FSD1L: variants seen among roughly 807,000 people sequenced by gnomAD.
The protein encoded by FSD1L is FSD1-like protein.
FSD1L carries 45 observed loss-of-function variants against 71.6 expected under a neutral mutation model. The ratio of observed to expected loss-of-function variants is 0.63; its 90% CI spans 0.49 to 0.81. The LOEUF is 0.81. FSD1L is among the 30% of genes least tolerant of loss of function. FSD1L has a pLI of 0.00. For synonymous variants in FSD1L, 197 were observed against 207.2 expected (o/e 0.95, Z 0.42); for missense variants, 561 against 618.1 (o/e 0.91, Z 0.98).
intron 9 of FSD1L, among the ~76,000 whole-genome samples, chr9:105,512,250 G>GTCA (rs1834437451): frequency 1.3e-5 from 2 of 151,524 alleles, no homozygotes; most frequent in African/African-American, 4.9e-5. Context: ...TGTACTCTTC[G>GTCA]TCATGTAAAT....
At chr9:105,522,562 G>C in intron 10 of FSD1L, 1 of 1,613,602 alleles carries the variant, frequency 6.2e-7, no homozygotes, top group Non-Finnish European at 8.5e-7. Flanking sequence ...ACTAGAGTCA[G>C]ACATTTTTCA....
At position 105,481,186 on chromosome 9, in the gene FSD1L, T is replaced by G; in HGVS notation, c.464+1810T>G. On this transcript the variant is annotated intron_variant, in intron 6 of 13. Coordinates refer to ENST00000481272, the MANE Select transcript of FSD1L (RefSeq NM_001145313.3). ...GTGTGTGTGTGTGTGTGTGGTTCTTTTTTTTTTTTTTTTTTTTTGCTTGTT... is the reference window on the plus strand; with the variant it reads ...GTGTGTGTGTGTGTGTGTGGTTCTTGTTTTTTTTTTTTTTTTTTGCTTGTT... 4.6e-5 allele frequency among the ~76,000 whole-genome samples: 6 copies of G among 129,730 alleles called. No individual in the cohort carries two copies. In the East Asian group the frequency reaches 9.1e-4, roughly 20 times the overall value. The allele number at this position is 129,730 out of a possible 152,430, so 85.1% of individuals were successfully genotyped here. A position where few individuals can be genotyped will look rare whatever the true frequency, so the allele number is the denominator to read the frequency against.
chr9:105,473,998 A>C lies in FSD1L; in HGVS notation c.441+1993A>C, dbSNP rs549020326. Among the ~76,000 whole-genome samples the C allele has an allele frequency of 3.3e-5, 5 of 152,318 alleles. No individual in the cohort carries two copies. In the South Asian group the frequency reaches 1.0e-3, roughly 32 times the overall value. The stretch of plus-strand genomic sequence containing the variant: ...CTTGCAGCAGTTTATAGTACTGTTT[A>C]GTAGCTTAAACCATTTGGAGATGTG... On this transcript the variant is annotated intron_variant, in intron 5 of 13. Transcript: ENST00000481272.
intron 7 of FSD1L, among the ~76,000 whole-genome samples, chr9:105,498,841 C>A (rs963160777): frequency 4.6e-5 from 7 of 152,140 alleles, no homozygotes; most frequent in African/African-American, 1.7e-4. Context: ...CCAAGCTGGT[C>A]TTGAACTCCT....
chr9:105,543,747 A>G (rs1460412770), intron 13 of FSD1L, among the ~76,000 whole-genome samples: 2 of 152,124 alleles, frequency 1.3e-5, no homozygotes, highest in East Asian at 3.9e-4. Context: ...CCATGTCCCT[A>G]CAAAGGACAT....
At chr9:105,467,751 A>G (rs941741587) in intron 3 of FSD1L, among the ~76,000 whole-genome samples, 1 of 152,234 alleles carries the variant, frequency 6.6e-6, no homozygotes, top group East Asian at 1.9e-4. Flanking sequence ...CTGTATGTGC[A>G]AAGTGTTCCT....
In FSD1L at chr9:105,550,857, T is replaced by C. The variant is rs923150255; in HGVS notation, c.*4374T>C. ...TACTGACTTCTGATGCATAATCACT[T>C]AAGCTATGTGAGTTTAAACTGGTAT... On this transcript the variant is annotated 3_prime_UTR_variant, in exon 14 of 14. Coordinates refer to ENST00000481272, the MANE Select transcript of FSD1L (RefSeq NM_001145313.3). 5.9e-5 allele frequency: 9 copies of C among 152,116 alleles called. No homozygotes were observed. Among genetic ancestry groups the C allele is most frequent in the African/African-American group, 2.2e-4 (9 of 41,444 alleles). The allele number at this position is 152,116 out of a possible 1,614,324, so 9.4% of individuals were successfully genotyped here.
intron 7 of FSD1L, among the ~76,000 whole-genome samples, chr9:105,491,028 T>G (rs1216455555): frequency 6.6e-6 from 1 of 152,006 alleles, no homozygotes; most frequent in African/African-American, 2.4e-5. Context: ...AGTAGTTTTT[T>G]CGAATTCTGT....
intron 1 of FSD1L, among the ~76,000 whole-genome samples, chr9:105,454,357 C>G (rs1168608833): frequency 6.6e-6 from 1 of 152,156 alleles, no homozygotes; most frequent in South Asian, 2.1e-4. Context: ...TTTGTTGTAT[C>G]TTTTTGTTGA....
intron 10 of FSD1L, 77 bp from the exon 11 acceptor site, chr9:105,534,416 C>T: frequency 5.4e-6 from 4 of 738,698 alleles, no homozygotes; most frequent in South Asian, 1.9e-5. Context: ...AGGTTCCTTC[C>T]ATGATTTCTA....
chr9:105,515,213 A>C (rs1377599827), intron 10 of FSD1L, among the ~76,000 whole-genome samples: 1 of 152,122 alleles, frequency 6.6e-6, no homozygotes, highest in Non-Finnish European at 1.5e-5. Flanking sequence ...TTGGGCCTGA[A>C]AGATCACATA....
intron 2 of FSD1L, among the ~76,000 whole-genome samples, 168 bp from the exon 3 acceptor site, chr9:105,464,068 C>G (rs914808994): frequency 2.0e-5 from 3 of 152,122 alleles, no homozygotes; most frequent in African/African-American, 7.2e-5. Flanking sequence ...TATACCCCAT[C>G]TTTTCTAATT....
chr9:105,488,556 G>A (rs192659914), intron 7 of FSD1L, among the ~76,000 whole-genome samples: 2 of 152,210 alleles, frequency 1.3e-5, no homozygotes, highest in Non-Finnish European at 2.9e-5. Context: ...TGAATAGTAT[G>A]GTAAAAGTGT....
chr9:105,539,003 A>G (rs578216182), intron 12 of FSD1L, among the ~76,000 whole-genome samples: 1 of 152,278 alleles, frequency 6.6e-6, no homozygotes, highest in Non-Finnish European at 1.5e-5. Context: ...ATAAGGAAAT[A>G]GTTTGTATTA....
rs546997229 is a variant in FSD1L, at chr9:105,466,570, G to A, written c.208-1623G>A. Among the ~76,000 whole-genome samples, 8 of 152,234 alleles carry A rather than the reference G, an allele frequency of 5.3e-5. No homozygotes were observed. In the South Asian group the frequency reaches 1.0e-3, roughly 20 times the overall value. ...TAGCTGGTCGTGGTGGCAAGCGCCT[G>A]TAATCCCAGCTAGTTGGGAGGCTGA... is the stretch of plus-strand genomic sequence containing the variant. On this transcript the variant is annotated intron_variant, in intron 3 of 13. Transcript: ENST00000481272.
rs563567471 is a variant in FSD1L, at chr9:105,453,700, T to A, written c.15+5465T>A. On this transcript the variant is annotated intron_variant, in intron 1 of 13. Coordinates refer to ENST00000481272, the MANE Select transcript of FSD1L (RefSeq NM_001145313.3). Reference sequence around the variant, plus strand: ...AATTGAACTTGGCAGTTTTTAAAAATTAGAAAGATAGTGAAGCAGACCTTT... The same window carrying A: ...AATTGAACTTGGCAGTTTTTAAAAAATAGAAAGATAGTGAAGCAGACCTTT... 3.9e-5 allele frequency among the ~76,000 whole-genome samples: 6 copies of A among 152,288 alleles called. No individual in the cohort carries two copies. In the East Asian group the frequency reaches 1.2e-3, roughly 29 times the overall value.
chr9:105,520,857 G>A, intron 10 of FSD1L: 1 of 1,612,134 alleles, frequency 6.2e-7, no homozygotes, highest in Non-Finnish European at 8.5e-7. Flanking sequence ...AGGAGATAAA[G>A]GGCAAGAAGA....
chr9:105,497,307 A>G (rs1354136471), intron 7 of FSD1L, among the ~76,000 whole-genome samples: 5 of 152,176 alleles, frequency 3.3e-5, no homozygotes, highest in Non-Finnish European at 5.9e-5. Context: ...TTTATGAGAC[A>G]TACTGGTTTG....
chr9:105,485,533 G>GTTTTTTTTTT (rs34268568), intron 7 of FSD1L, among the ~76,000 whole-genome samples: 11 of 79,406 alleles, frequency 1.4e-4, no homozygotes, highest in Middle Eastern at 0.013. Flanking sequence ...TTGGTTAGGT[G>GTTTTTTTTTT]TTTTTTTTTT....
Sources: gnomAD v4.1 joint callset for allele counts (sites outside exome capture counted in the v4.1 genomes callset) on GRCh38, gnomAD v4.1.1 for gene constraint, MANE v1.5 for transcripts, NCBI Gene and HGNC (gene_info 2026-07-23, HGNC 2026-07-21) for gene names.